MYBPC1: variants seen among roughly 807,000 people sequenced by gnomAD.
The protein encoded by MYBPC1 is myosin binding protein C1, also known as myosin-binding protein C, slow-type.
In MYBPC1, 52 loss-of-function variants were observed where a neutral mutation model predicts 147.1. The ratio of observed to expected loss-of-function variants is 0.35; its 90% CI spans 0.28 to 0.45. MYBPC1 has a LOEUF of 0.45. Ranked by LOEUF, MYBPC1 falls within the 20% of genes least tolerant of loss-of-function variation. The probability of loss-of-function intolerance (pLI) is 1.00; values close to 1 mark genes in which losing one functional copy is unlikely to be tolerated. For synonymous variants in MYBPC1, 477 were observed against 475.9 expected (o/e 1.00, Z -0.03); for missense variants, 1,228 against 1,440.3 (o/e 0.85, Z 2.39).
At chr12:101,630,535 A>G (rs758508922) in intron 6 of MYBPC1, among the ~76,000 whole-genome samples, 8 of 152,222 alleles carry the variant, frequency 5.3e-5, no homozygotes, top group Non-Finnish European at 1.2e-4. Context: ...GTCTGCTGAC[A>G]TTACCATAAC....
chr12:101,665,653 A>G (rs754471313), intron 22 of MYBPC1, among the ~76,000 whole-genome samples: 15 of 152,078 alleles, frequency 9.9e-5, no homozygotes, highest in African/African-American at 1.9e-4. Context: ...TGTTTCCCCA[A>G]TTAAAGTGGT....
chr12:101,607,456 G>A (rs547858528), intron 1 of MYBPC1, among the ~76,000 whole-genome samples: 12 of 152,202 alleles, frequency 7.9e-5, no homozygotes, highest in African/African-American at 2.9e-4. Flanking sequence ...ATTTTACTTT[G>A]AGAATAAGAA....
intron 24 of MYBPC1, among the ~76,000 whole-genome samples, chr12:101,670,750 C>G (rs1475728409): frequency 6.6e-6 from 1 of 152,106 alleles, no homozygotes; most frequent in African/African-American, 2.4e-5. Flanking sequence ...GTTTGTAAAA[C>G]CCATCATTTT....
chr12:101,615,670 C>CCT (rs1885769024), intron 2 of MYBPC1, among the ~76,000 whole-genome samples: 3 of 72,952 alleles, frequency 4.1e-5, no homozygotes, highest in Admixed American at 1.3e-4. Flanking sequence ...CCGCCCCCCC[C>CCT]CCGCCCCCCC....
At chr12:101,674,357 A>AT (rs138789297) in intron 25 of MYBPC1, among the ~76,000 whole-genome samples, 84 of 152,162 alleles carry the variant, frequency 5.5e-4, no homozygotes, top group African/African-American at 2.0e-3. Flanking sequence ...AGAATGAAGA[A>AT]TTTTTTTTAA....
chr12:101,661,087 T>G, intron 19 of MYBPC1, 71 bp from the exon 20 acceptor site: 1 of 918,906 alleles, frequency 1.1e-6, no homozygotes, highest in Non-Finnish European at 1.7e-6. Context: ...AAGAAACATA[T>G]TTTCCTATTA....
At chr12:101,610,540 G>A (rs1163439271) in intron 1 of MYBPC1, among the ~76,000 whole-genome samples, 2 of 152,146 alleles carry the variant, frequency 1.3e-5, no homozygotes, top group African/African-American at 4.8e-5. Flanking sequence ...GAGTAAAAAT[G>A]ATGATCATAA....
Position 101,626,911 on chromosome 12 carries a change from G to T in MYBPC1, c.142+1G>T. 6.2e-7 allele frequency: 1 copy of T among 1,610,130 alleles called. No homozygotes were observed. The highest frequency in any genetic ancestry group is 8.5e-7 in the Non-Finnish European group (1 of 1,176,402). On this transcript the variant is annotated splice_donor_variant, in intron 4 of 31. Coordinates refer to ENST00000361466, the MANE Select transcript of MYBPC1 (RefSeq NM_002465.4). LOFTEE classifies it high-confidence loss of function. ...TCCCCGCCTAGCGCCTTGCCTCCAGGTTGGGATAATTTCTACCCTTTTCCC... is the reference window on the plus strand; with the variant it reads ...TCCCCGCCTAGCGCCTTGCCTCCAGTTTGGGATAATTTCTACCCTTTTCCC...
chr12:101,675,898 A>C (rs1488817134), intron 26 of MYBPC1, among the ~76,000 whole-genome samples: 2 of 152,230 alleles, frequency 1.3e-5, no homozygotes, highest in African/African-American at 4.8e-5. Flanking sequence ...AAGTAAAAAG[A>C]CAGACACCAG....
intron 5 of MYBPC1, 156 bp from the exon 6 acceptor site, chr12:101,629,278 T>C: frequency 2.9e-6 from 2 of 683,028 alleles, no homozygotes; most frequent in Non-Finnish European, 5.3e-6. Context: ...TCCCCTCTAC[T>C]GATGGCTGCT....
intron 5 of MYBPC1, chr12:101,628,290 G>T (rs890798872): frequency 5.9e-6 from 1 of 170,092 alleles, no homozygotes; most frequent in African/African-American, 2.4e-5. Flanking sequence ...GGCACTGCAG[G>T]TATAGAAGTG....
intron 29 of MYBPC1, among the ~76,000 whole-genome samples, chr12:101,681,960 A>G (rs1951029598): frequency 6.6e-6 from 1 of 151,928 alleles, no homozygotes; most frequent in South Asian, 2.1e-4. Flanking sequence ...ACAATTCATA[A>G]TTGAGTGAAA....
At chr12:101,647,459 T>A (rs946188344) in intron 13 of MYBPC1, among the ~76,000 whole-genome samples, 4 of 152,248 alleles carry the variant, frequency 2.6e-5, no homozygotes, top group African/African-American at 9.6e-5. Flanking sequence ...GAATAATATT[T>A]GATATATGTT....
intron 29 of MYBPC1, among the ~76,000 whole-genome samples, chr12:101,681,576 ATATATATATATATATATTTTTTTTT>A (rs1950967041): frequency 4.7e-5 from 1 of 21,456 alleles, no homozygotes; most frequent in African/African-American, 2.5e-4. Context: ...ATATATATAT[ATATATATATATATATATTTTTTTTT>A]TTTTTTTTTT....
the MYBPC1 span, among the ~76,000 whole-genome samples, chr12:101,691,087 T>C: frequency 6.6e-6 from 1 of 152,154 alleles, no homozygotes; most frequent in Non-Finnish European, 1.5e-5. Context: ...TATTTATTTA[T>C]TTTAGACAGG....
intron 24 of MYBPC1, among the ~76,000 whole-genome samples, chr12:101,671,741 G>T (rs1321600477): frequency 1.3e-5 from 2 of 152,166 alleles, no homozygotes; most frequent in African/African-American, 2.4e-5. Flanking sequence ...AGATCTGGGG[G>T]TCTGCGTGTT....
At chr12:101,613,402 T>C (rs1884960574) in intron 1 of MYBPC1, among the ~76,000 whole-genome samples, 1 of 152,220 alleles carries the variant, frequency 6.6e-6, no homozygotes, top group East Asian at 1.9e-4. Context: ...GCTCCCAGGA[T>C]TCCACAATGT....
chr12:101,658,352 G>A (rs1895957006), intron 18 of MYBPC1, among the ~76,000 whole-genome samples: 1 of 150,538 alleles, frequency 6.6e-6, no homozygotes, highest in African/African-American at 2.4e-5. Flanking sequence ...AAAACTCTCA[G>A]CAAAATAGAA....
the MYBPC1 span, among the ~76,000 whole-genome samples, chr12:101,695,781 G>C: frequency 6.6e-6 from 1 of 152,106 alleles, no homozygotes; most frequent in East Asian, 1.9e-4. Context: ...TACCAGTCTT[G>C]GAGTGCCAAT....
Sources: gnomAD v4.1 joint callset for allele counts (sites outside exome capture counted in the v4.1 genomes callset) on GRCh38, gnomAD v4.1.1 for gene constraint, MANE v1.5 for transcripts, NCBI Gene and HGNC (gene_info 2026-07-23, HGNC 2026-07-21) for gene names.